The following SLC36A4 variants were observed in gnomAD, a reference collection of about 807,000 sequenced individuals.
SLC36A4 encodes the protein neutral amino acid uniporter 4.
A neutral mutation model predicts 50.5 loss-of-function variants in SLC36A4; 49 were observed. The observed-to-expected ratio is 0.97, with a 90% confidence interval of 0.77 to 1.23. The LOEUF (loss-of-function observed/expected upper bound fraction) is 1.23. SLC36A4 is among the 50% of genes most tolerant of loss of function. The pLI, the probability that SLC36A4 is intolerant of heterozygous loss-of-function variation, is 0.00. For missense variants in SLC36A4, 611 were observed against 608.4 expected (o/e 1.00, Z -0.05); for synonymous variants, 207 against 206.5 (o/e 1.00, Z -0.02).
intron 10 of SLC36A4, chr11:93,153,877 TTC>T (rs1860221317): frequency 4.2e-6 from 1 of 235,360 alleles, no homozygotes; most frequent in African/African-American, 2.2e-5. Context: ...TCAAAATAAC[TTC>T]ATTAGTTATT....
intron 6 of SLC36A4, among the ~76,000 whole-genome samples, chr11:93,168,876 C>T (rs1324470829): frequency 1.3e-5 from 2 of 151,976 alleles, no homozygotes; most frequent in Non-Finnish European, 2.9e-5. Flanking sequence ...ATATGATTTA[C>T]AAATATGATT....
chr11:93,152,853 T>C (rs1405603638), intron 10 of SLC36A4: 8 of 152,128 alleles, frequency 5.3e-5, no homozygotes, highest in Non-Finnish European at 2.9e-5. Flanking sequence ...TCTTTTTATT[T>C]AGTCATTACC....
intron 6 of SLC36A4, among the ~76,000 whole-genome samples, chr11:93,178,104 T>A (rs1006273320): frequency 2.6e-5 from 4 of 152,154 alleles, no homozygotes; most frequent in African/African-American, 9.7e-5. Context: ...CGCTGCCGCC[T>A]TGCAGTTCGA....
At position 93,165,978 on chromosome 11, in the gene SLC36A4, A is replaced by G; in HGVS notation, c.807T>C (p.Gly269=). 6.2e-7 allele frequency: 1 copy of G among 1,610,758 alleles called. No individual in the cohort carries two copies. The highest frequency in any genetic ancestry group is 8.5e-7 in the Non-Finnish European group (1 of 1,178,440). Residue 269 remains glycine, a synonymous_variant, in exon 8 of 11, where the codon GGT becomes GGC. Coordinates refer to ENST00000326402, the MANE Select transcript of SLC36A4 (RefSeq NM_152313.4). ...PDPHNLPIVA[G]WKKYPLFFGT... is the part of the protein sequence containing the mutation. ...CAAAAAAGAGTGGGTATTTCTTCCA[A>G]CCAGCCACTATTGGAAGGTTGTGGG...
intron 10 of SLC36A4, among the ~76,000 whole-genome samples, chr11:93,151,900 T>C (rs1860105371): frequency 6.6e-6 from 1 of 152,070 alleles, no homozygotes; most frequent in African/African-American, 2.4e-5. Flanking sequence ...AAGGTATTTA[T>C]GTCCATGGTG....
At chr11:93,174,802 T>C (rs1861374197) in intron 6 of SLC36A4, among the ~76,000 whole-genome samples, 1 of 142,380 alleles carries the variant, frequency 7.0e-6, no homozygotes, top group African/African-American at 2.6e-5. Context: ...TGAAGCCCAC[T>C]TGATCATGGT....
At chr11:93,174,294 T>G (rs1861341877) in intron 6 of SLC36A4, among the ~76,000 whole-genome samples, 1 of 148,588 alleles carries the variant, frequency 6.7e-6, no homozygotes, top group Admixed American at 6.8e-5. Context: ...TGTACATTGA[T>G]TTTGTATCCT....
chr11:93,154,992 T>C (rs1860284747), intron 9 of SLC36A4: 2 of 152,216 alleles, frequency 1.3e-5, no homozygotes, highest in South Asian at 2.1e-4. Flanking sequence ...TAACCTCCTG[T>C]CAAAACTTCG....
At chr11:93,188,617 T>C (rs1029181414) in intron 1 of SLC36A4, among the ~76,000 whole-genome samples, 1 of 152,216 alleles carries the variant, frequency 6.6e-6, no homozygotes, top group East Asian at 1.9e-4. Context: ...GGTCTAGAAC[T>C]ATACACAGTA....
chr11:93,166,084 A>C, intron 7 of SLC36A4, 68 bp from the exon 8 acceptor site: 1 of 1,349,920 alleles, frequency 7.4e-7, no homozygotes, highest in Non-Finnish European at 1.0e-6. Flanking sequence ...AAAAAATGTA[A>C]GAAAAATCAT....
At chr11:93,156,752 G>A (rs1001434636) in intron 9 of SLC36A4, among the ~76,000 whole-genome samples, 9 of 152,042 alleles carry the variant, frequency 5.9e-5, no homozygotes, top group African/African-American at 2.2e-4. Context: ...CTGGATATTA[G>A]ACCTTTGTTC....
chr11:93,180,097 T>C, intron 6 of SLC36A4: 6 of 951,006 alleles, frequency 6.3e-6, no homozygotes, highest in Non-Finnish European at 7.5e-6. Flanking sequence ...TACTGTACCA[T>C]GGACATGTGG....
intron 9 of SLC36A4, chr11:93,160,283 C>A (rs1860560445): frequency 1.0e-6 from 1 of 985,296 alleles, no homozygotes; most frequent in African/African-American, 1.7e-5. Flanking sequence ...AATGCAAATT[C>A]TCTAAAGGGA....
chr11:93,190,213 T>G (rs1345529438), intron 1 of SLC36A4, among the ~76,000 whole-genome samples: 2 of 152,166 alleles, frequency 1.3e-5, no homozygotes, highest in African/African-American at 4.8e-5. Flanking sequence ...ATTCATCTCA[T>G]CCTTCACGTT....
At chr11:93,183,532 T>C (rs1400035414) in intron 3 of SLC36A4, among the ~76,000 whole-genome samples, 1 of 152,124 alleles carries the variant, frequency 6.6e-6, no homozygotes, top group Non-Finnish European at 1.5e-5. Flanking sequence ...AAACTGTTTT[T>C]AGAAAGTGGT....
chr11:93,184,461 A>C lies in SLC36A4; in HGVS notation c.239T>G (p.Leu80Arg). Residue 80 changes from leucine (L) to arginine (R), a missense_variant, in exon 3 of 11, where the codon CTT (leucine) becomes CGT (arginine). Coordinates refer to ENST00000326402, the MANE Select transcript of SLC36A4 (RefSeq NM_152313.4). Reference protein sequence around the residue: ...KGNIGTGLLGLPLAIKNAGIV... With the variant: ...KGNIGTGLLGRPLAIKNAGIV... ...GCCTGCATTTTTTATTGCCAATGGA[A>C]GTCCTAAAAGGCCAGTTCCAATATT... is the stretch of plus-strand genomic sequence containing the variant. 6.2e-7 allele frequency: 1 copy of C among 1,611,550 alleles called. No individual in the cohort carries two copies. The highest frequency in any genetic ancestry group is 8.5e-7 in the Non-Finnish European group (1 of 1,177,962).
chr11:93,185,852 A>C (rs774614266), intron 1 of SLC36A4, 38 bp from the exon 2 acceptor site: 2 of 1,528,382 alleles, frequency 1.3e-6, no homozygotes, highest in Admixed American at 2.3e-5. Context: ...ACTATTGCTT[A>C]AAAAAGTTGG....
chr11:93,183,411 T>C (rs1028407004), intron 3 of SLC36A4, among the ~76,000 whole-genome samples: 5 of 152,162 alleles, frequency 3.3e-5, no homozygotes. Context: ...ATTAAAGCAA[T>C]GCTAGTAATT....
chr11:93,180,048 A>G (rs1157822513), intron 6 of SLC36A4: 1 of 933,554 alleles, frequency 1.1e-6, no homozygotes, highest in Non-Finnish European at 1.3e-6. Context: ...GCATAAAAAT[A>G]TCTACAAGAC....
Sources: gnomAD v4.1 joint callset for allele counts (sites outside exome capture counted in the v4.1 genomes callset) on GRCh38, gnomAD v4.1.1 for gene constraint, MANE v1.5 for transcripts, NCBI Gene and HGNC (gene_info 2026-07-23, HGNC 2026-07-21) for gene names.